The following ELMO1 variants were observed in gnomAD, a reference collection of about 807,000 sequenced individuals.
ELMO1 encodes engulfment and cell motility 1, also known as engulfment and cell motility protein 1.
A neutral mutation model predicts 98.9 loss-of-function variants in ELMO1; 26 were observed. That is an observed-to-expected ratio of 0.26 (90% CI 0.19 to 0.36). The LOEUF is 0.36. Among genes scored for constraint, ELMO1 ranks in the 10% least tolerant of loss-of-function variants. ELMO1 has a pLI of 1.00. For missense variants in ELMO1, 627 were observed against 935.2 expected (o/e 0.67, Z 4.30); for synonymous variants, 346 against 346.0 (o/e 1.00, Z 0.00).
chr7:37,240,389 T>TCC (rs550932121), intron 7 of ELMO1, among the ~76,000 whole-genome samples: 14 of 152,220 alleles, frequency 9.2e-5, no homozygotes, highest in Non-Finnish European at 1.8e-4. Context: ...GTAGTGATAT[T>TCC]CCCTCTTTTA....
intron 14 of ELMO1, among the ~76,000 whole-genome samples, chr7:37,121,733 C>A (rs924182681): frequency 4.6e-5 from 7 of 152,162 alleles, no homozygotes; most frequent in African/African-American, 1.7e-4. Context: ...TTTCCCCAAC[C>A]TAGCAAGGCA....
intron 13 of ELMO1, among the ~76,000 whole-genome samples, chr7:37,143,433 G>A (rs944759412): frequency 6.6e-6 from 1 of 152,142 alleles, no homozygotes. Context: ...TTGCGACCGA[G>A]TCTCGCTCTG....
intron 1 of ELMO1, among the ~76,000 whole-genome samples, chr7:37,416,091 A>G (rs777958538): frequency 1.3e-5 from 2 of 152,242 alleles, no homozygotes; most frequent in Non-Finnish European, 2.9e-5. Context: ...CCTACAACAG[A>G]AATAAATGAA....
intron 8 of ELMO1, among the ~76,000 whole-genome samples, chr7:37,231,985 C>T (rs568832896): frequency 5.3e-5 from 8 of 152,114 alleles, no homozygotes; most frequent in South Asian, 2.1e-4. Flanking sequence ...CCCAAGTAGG[C>T]GGGATTACAG....
chr7:36,857,345 A>C (rs12701530), intron 21 of ELMO1, among the ~76,000 whole-genome samples: 19,771 of 152,018 alleles, frequency 0.13, 1,507 homozygotes, highest in Middle Eastern at 0.22. Flanking sequence ...GATCATGTAG[A>C]TCTAGGGTGA....
At chr7:37,357,339 C>A (rs1276818728) in intron 1 of ELMO1, among the ~76,000 whole-genome samples, 1 of 152,154 alleles carries the variant, frequency 6.6e-6, no homozygotes, top group East Asian at 1.9e-4. Flanking sequence ...TGGTTGAACA[C>A]AGGTATCACA....
chr7:36,975,736 A>C (rs1790474078), intron 16 of ELMO1, among the ~76,000 whole-genome samples: 1 of 151,218 alleles, frequency 6.6e-6, no homozygotes, highest in African/African-American at 2.4e-5. Flanking sequence ...AATCCCAGCT[A>C]CTTGGGAGGC....
intron 15 of ELMO1, among the ~76,000 whole-genome samples, chr7:37,064,568 G>T (rs553281210): frequency 1.3e-5 from 2 of 152,240 alleles, no homozygotes; most frequent in Middle Eastern, 6.8e-3. Context: ...AAATAATACG[G>T]GCAAAGCCTG....
chr7:37,147,007 T>C (rs962987987), intron 13 of ELMO1, among the ~76,000 whole-genome samples: 6 of 151,696 alleles, frequency 4.0e-5, no homozygotes, highest in African/African-American at 1.5e-4. Flanking sequence ...GCAGCTTTTT[T>C]CCCCTTTAGG....
In ELMO1 at chr7:37,182,464, T is replaced by A. The variant is rs116952276; in HGVS notation, c.1086+28922A>T. Among the ~76,000 whole-genome samples the A allele has an allele frequency of 1.0e-4, 10 of 97,966 alleles. 4 individuals carry two copies. The highest frequency in any genetic ancestry group is 8.6e-5 in the African/African-American group (2 of 23,212). 64.3% of individuals were successfully genotyped at this position (97,966 alleles called of 152,430 possible). A position where few individuals can be genotyped will look rare whatever the true frequency, so the allele number is the denominator to read the frequency against. Reference sequence around the variant, plus strand: ...ATCATGAGTGCTCTTGTGCTCTACTTTTTTTTTTTTTTTTTTTTTTTTTTG... The same window carrying A: ...ATCATGAGTGCTCTTGTGCTCTACTATTTTTTTTTTTTTTTTTTTTTTTTG... On this transcript the variant is annotated intron_variant, in intron 13 of 21. Coordinates refer to ENST00000310758, the MANE Select transcript of ELMO1 (RefSeq NM_014800.11).
chr7:37,073,902 T>C (rs1253891164), intron 15 of ELMO1, among the ~76,000 whole-genome samples: 1 of 151,516 alleles, frequency 6.6e-6, no homozygotes, highest in Non-Finnish European at 1.5e-5. Context: ...TTTTAATGTA[T>C]TGATTTTATA....
chr7:37,291,702 G>A (rs1797687755), intron 4 of ELMO1, among the ~76,000 whole-genome samples: 1 of 152,166 alleles, frequency 6.6e-6, no homozygotes, highest in South Asian at 2.1e-4. Context: ...ATCACCTGAG[G>A]TCAGGAGTTT....
intron 16 of ELMO1, among the ~76,000 whole-genome samples, chr7:36,921,460 T>C (rs1447647179): frequency 6.6e-6 from 1 of 152,258 alleles, no homozygotes; most frequent in Admixed American, 6.5e-5. Flanking sequence ...CAGACATTTA[T>C]GTCCTGGCAC....
chr7:37,114,132 G>A (rs189899292), intron 14 of ELMO1, among the ~76,000 whole-genome samples: 63 of 152,344 alleles, frequency 4.1e-4, no homozygotes, highest in African/African-American at 1.4e-3. Flanking sequence ...CTGAGTTACT[G>A]GAGGTTGTAG....
chr7:37,050,227 C>G (rs949282139), intron 15 of ELMO1, among the ~76,000 whole-genome samples: 1 of 152,080 alleles, frequency 6.6e-6, no homozygotes, highest in Non-Finnish European at 1.5e-5. Flanking sequence ...AACACACCAC[C>G]ACACACAGCT....
chr7:37,436,335 G>A (rs1225196897), intron 1 of ELMO1, among the ~76,000 whole-genome samples: 2 of 152,122 alleles, frequency 1.3e-5, no homozygotes, highest in African/African-American at 4.8e-5. Flanking sequence ...CACTCTCCTA[G>A]GTAAAATAAA....
At chr7:37,203,156 A>T (rs1194210961) in intron 13 of ELMO1, among the ~76,000 whole-genome samples, 1 of 152,118 alleles carries the variant, frequency 6.6e-6, no homozygotes, top group Non-Finnish European at 1.5e-5. Context: ...CTTTATTGAC[A>T]CATTCTCGAA....
chr7:37,449,171 G>A (rs2131610387), upstream of ELMO1: 1 of 152,384 alleles, frequency 6.6e-6, no homozygotes, highest in South Asian at 2.1e-4. Flanking sequence ...CACCATGCAT[G>A]CCTCAGATCT....
At position 37,386,424 on chromosome 7, in the gene ELMO1, C is replaced by A. The variant is rs543631588; in HGVS notation, c.-73-43661G>T. On this transcript the variant is annotated intron_variant, in intron 1 of 21. Coordinates refer to ENST00000310758, the MANE Select transcript of ELMO1 (RefSeq NM_014800.11). The stretch of plus-strand genomic sequence containing the variant: ...GTCTGTCTCCCCATAGTCCTTACAG[C>A]CCTGGACTCACTGCCCTTGTACAGA... Among the ~76,000 whole-genome samples, 7 of 152,086 alleles carry A rather than the reference C, an allele frequency of 4.6e-5. No homozygotes were observed. The South Asian group carries it at 1.5e-3, about 32-fold the overall frequency.
Sources: allele counts gnomAD v4.1 joint callset (sites outside exome capture counted in the v4.1 genomes callset), GRCh38; gene constraint gnomAD v4.1.1; transcripts MANE v1.5; gene names NCBI Gene and HGNC (gene_info 2026-07-23, HGNC 2026-07-21).